Variants in OXR1 observed in about 807,000 individuals in gnomAD.
The protein encoded by OXR1 is oxidation resistance 1.
In OXR1, 41 loss-of-function variants were observed where a neutral mutation model predicts 104.6. That is an observed-to-expected ratio of 0.39 (90% CI 0.31 to 0.51). OXR1 has a LOEUF of 0.51. OXR1 is among the 20% of genes least tolerant of loss of function. The pLI is 0.77. For missense variants in OXR1, 955 were observed against 1,031.9 expected (o/e 0.93, Z 1.02); for synonymous variants, 348 against 348.4 (o/e 1.00, Z 0.01).
At position 106,692,757 on chromosome 8, in the gene OXR1, T is replaced by A. The variant is rs1451862510; in HGVS notation, c.555T>A (p.Thr185=). The A allele has an allele frequency of 1.3e-6, 2 of 1,542,386 alleles. No homozygotes were observed. Among genetic ancestry groups the A allele is most frequent in the Admixed American group, 3.8e-5 (2 of 52,052 alleles). Residue 185 remains threonine (T), a synonymous_variant, in exon 7 of 17, where the codon ACT becomes ACA. Coordinates refer to ENST00000517566, the MANE Select transcript of OXR1 (RefSeq NM_001198533.2). ...TNPDVHPTEA[T]PSSTFTGIRP... ...CTGATGTCCATCCAACAGAAGCAAC[T>A]CCCTCATCTACTTTCACTGGTATTC...
At chr8:106,398,971 C>G (rs558275601) in intron 2 of OXR1, among the ~76,000 whole-genome samples, 1 of 152,234 alleles carries the variant, frequency 6.6e-6, no homozygotes, top group East Asian at 1.9e-4. Flanking sequence ...TCTGTTTAAT[C>G]CCTCCCCAAC....
intron 1 of OXR1, among the ~76,000 whole-genome samples, chr8:106,299,413 G>C (rs1327958327): frequency 1.3e-5 from 2 of 152,098 alleles, no homozygotes; most frequent in Admixed American, 6.6e-5. Context: ...CAGTATAGTA[G>C]CACATTAGAG....
intron 1 of OXR1, among the ~76,000 whole-genome samples, chr8:106,270,814 C>T (rs1051415717): frequency 6.6e-6 from 1 of 151,872 alleles, no homozygotes; most frequent in Non-Finnish European, 1.5e-5. Context: ...TTGAACAGAA[C>T]GGCAGGAGGA....
rs201979649 is a variant in OXR1, at chr8:106,511,615, A to G, written c.24-7328A>G. Among the ~76,000 whole-genome samples the G allele has an allele frequency of 1.1e-4, 17 of 152,336 alleles. No individual in the cohort carries two copies. In the East Asian group the frequency reaches 2.1e-3, roughly 19 times the overall value. ...TGAATAAGGCAAAGTGAGAATGTGT[A>G]TAGCTACTACTAGTATATAGATTTC... On this transcript the variant is annotated intron_variant, in intron 2 of 16. Transcript: ENST00000517566.
intron 3 of OXR1, among the ~76,000 whole-genome samples, chr8:106,668,744 ATTAG>A (rs902265391): frequency 3.9e-5 from 6 of 152,340 alleles, no homozygotes; most frequent in African/African-American, 1.4e-4. Context: ...AAACCATTAT[ATTAG>A]TTTGACAGAT....
chr8:106,403,543 A>G (rs1346671392), intron 2 of OXR1, among the ~76,000 whole-genome samples: 1 of 152,242 alleles, frequency 6.6e-6, no homozygotes, highest in Non-Finnish European at 1.5e-5. Flanking sequence ...GGTAAAATGT[A>G]TATCTTCTGG....
At chr8:106,548,534 T>C (rs903809084) in intron 3 of OXR1, among the ~76,000 whole-genome samples, 11 of 152,222 alleles carry the variant, frequency 7.2e-5, no homozygotes, top group African/African-American at 2.7e-4. Context: ...TGTTATAATA[T>C]ATAAAAAGCT....
At chr8:106,342,939 A>C (rs1815316130) in intron 1 of OXR1, among the ~76,000 whole-genome samples, 1 of 152,040 alleles carries the variant, frequency 6.6e-6, no homozygotes, top group African/African-American at 2.4e-5. Context: ...TTCACATCAA[A>C]TCTCTGAAAC....
chr8:106,623,170 G>A (rs746558202), intron 3 of OXR1, among the ~76,000 whole-genome samples: 4 of 152,092 alleles, frequency 2.6e-5, no homozygotes, highest in Non-Finnish European at 5.9e-5. Flanking sequence ...TCTTCAATAT[G>A]GGTTCCATCC....
intron 3 of OXR1, among the ~76,000 whole-genome samples, chr8:106,578,358 A>G (rs1818000240): frequency 6.6e-6 from 1 of 152,156 alleles, no homozygotes; most frequent in South Asian, 2.1e-4. Flanking sequence ...TCCTGACTAC[A>G]TTGATTGATA....
chr8:106,453,845 G>C (rs983442110), intron 2 of OXR1, among the ~76,000 whole-genome samples: 1 of 149,866 alleles, frequency 6.7e-6, no homozygotes, highest in African/African-American at 2.5e-5. Context: ...ATGCACATGG[G>C]CTGAGTAGCC....
intron 2 of OXR1, among the ~76,000 whole-genome samples, chr8:106,420,847 A>G (rs1390096859): frequency 2.0e-5 from 3 of 151,858 alleles, no homozygotes; most frequent in Non-Finnish European, 4.4e-5. Flanking sequence ...CAGAATGTAA[A>G]ATCTAGCTGG....
At position 106,298,713 on chromosome 8, in the gene OXR1, T is replaced by A. The variant is rs1185286452; in HGVS notation, c.-139+28346T>A. Among the ~76,000 whole-genome samples the A allele has an allele frequency of 2.0e-5, 3 of 151,360 alleles. No homozygotes were observed. In the East Asian group the frequency reaches 5.9e-4, roughly 30 times the overall value. On this transcript the variant is annotated intron_variant, in intron 1 of 16. Transcript: ENST00000517566. ...TTTGAGCTATAGTGTCAAATAATAC[T>A]TTTTTATTGCAAGAAAAACTTTCTG...
At chr8:106,359,672 A>T (rs1349287564) in intron 2 of OXR1, 36 bp downstream of exon 2, 2 of 1,455,730 alleles carry the variant, frequency 1.4e-6, no homozygotes. Context: ...AATGTAAATG[A>T]AAATATATCA....
At chr8:106,353,455 T>C (rs1815824140) in intron 1 of OXR1, among the ~76,000 whole-genome samples, 1 of 151,900 alleles carries the variant, frequency 6.6e-6, no homozygotes, top group African/African-American at 2.4e-5. Context: ...GATTGACTTA[T>C]ATCCTTCCAA....
In OXR1 at chr8:106,696,707, CATATT is replaced by C. The variant is rs561124593; in HGVS notation, c.675+3837_675+3841del. Among the ~76,000 whole-genome samples the C allele has an allele frequency of 2.3e-3, 349 of 152,228 alleles. 2 individuals are homozygous for C. The highest frequency in any genetic ancestry group is 7.9e-3 in the African/African-American group (330 of 41,536). On this transcript the variant is annotated intron_variant, in intron 7 of 16. Transcript: ENST00000517566. The stretch of plus-strand genomic sequence containing the variant: ...GTGTTAATTAGAAATTCTCTAATGG[CATATT>C]ATATTAAGCGTCTTTTTTTTTTCCT...
intron 3 of OXR1, among the ~76,000 whole-genome samples, chr8:106,640,974 A>AG (rs1397996316): frequency 6.6e-6 from 1 of 152,232 alleles, no homozygotes; most frequent in African/African-American, 2.4e-5. Flanking sequence ...AAATTCACTG[A>AG]GGTAAAACTC....
intron 2 of OXR1, among the ~76,000 whole-genome samples, chr8:106,449,212 C>T (rs1462569975): frequency 1.3e-5 from 2 of 152,168 alleles, no homozygotes; most frequent in Non-Finnish European, 2.9e-5. Flanking sequence ...TGTTACCCCT[C>T]TGATCACTTT....
intron 1 of OXR1, among the ~76,000 whole-genome samples, chr8:106,356,458 T>C (rs978275993): frequency 1.3e-5 from 2 of 152,150 alleles, no homozygotes. Flanking sequence ...ACCATGTACA[T>C]TGACAATATT....
Sources: gnomAD v4.1 joint callset for allele counts (sites outside exome capture counted in the v4.1 genomes callset) on GRCh38, gnomAD v4.1.1 for gene constraint, MANE v1.5 for transcripts, NCBI Gene and HGNC (gene_info 2026-07-23, HGNC 2026-07-21) for gene names.